Variants in SCHIP1 observed in about 807,000 individuals in gnomAD.
SCHIP1 encodes schwannomin interacting protein 1.
In SCHIP1, 8 loss-of-function variants were observed where a neutral mutation model predicts 29.7. The observed-to-expected ratio is 0.27, with a 90% CI of 0.16 to 0.49. SCHIP1 has a LOEUF of 0.49. Among genes scored for constraint, SCHIP1 ranks in the 20% least tolerant of loss-of-function variants. The pLI, the probability that SCHIP1 is intolerant of heterozygous loss-of-function variation, is 0.99. For synonymous variants in SCHIP1, 76 were observed against 94.9 expected (o/e 0.80, Z 1.16); for missense variants, 193 against 294.6 (o/e 0.66, Z 2.52).
the SCHIP1 span, among the ~76,000 whole-genome samples, chr3:159,334,879 C>G: frequency 1.4e-5 from 2 of 147,954 alleles, no homozygotes; most frequent in Non-Finnish European, 3.0e-5. Context: ...CATAAGTTTT[C>G]TTTTTCTTCT....
chr3:159,392,623 C>T, the SCHIP1 span, among the ~76,000 whole-genome samples: 2 of 151,966 alleles, frequency 1.3e-5, no homozygotes, highest in African/African-American at 4.8e-5. Context: ...TCATCCATGT[C>T]CCTACAAAGG....
At chr3:159,687,405 T>G in the SCHIP1 span, among the ~76,000 whole-genome samples, 1 of 152,228 alleles carries the variant, frequency 6.6e-6, no homozygotes, top group Admixed American at 6.5e-5. Flanking sequence ...CTATGTTTAC[T>G]GAAGAATTCT....
the SCHIP1 span, among the ~76,000 whole-genome samples, chr3:159,668,956 A>T: frequency 6.6e-6 from 1 of 152,088 alleles, no homozygotes; most frequent in Non-Finnish European, 1.5e-5. Flanking sequence ...TGCAATTTCC[A>T]TTTGAAGCAA....
the SCHIP1 span, among the ~76,000 whole-genome samples, chr3:159,348,302 G>C: frequency 3.0e-4 from 46 of 152,208 alleles, no homozygotes; most frequent in East Asian, 8.7e-3. Flanking sequence ...AGAAAGTTAA[G>C]TATCTTTAGA....
the SCHIP1 span, chr3:159,764,380 G>T: frequency 6.6e-7 from 1 of 1,505,178 alleles, no homozygotes; most frequent in Admixed American, 2.2e-5. This position sits in a 1 kb window ranked among gnomAD's most constrained non-coding sequence, Gnocchi z 6.1. Flanking sequence ...GGCATTTGGG[G>T]CGGGTGGCGG....
chr3:159,377,253 G>A, the SCHIP1 span, among the ~76,000 whole-genome samples: 1 of 152,156 alleles, frequency 6.6e-6, no homozygotes, highest in Non-Finnish European at 1.5e-5. Flanking sequence ...AATCAAGACT[G>A]GGTAGACAAC....
At chr3:159,590,124 G>A in the SCHIP1 span, among the ~76,000 whole-genome samples, 4 of 150,940 alleles carry the variant, frequency 2.7e-5, no homozygotes, top group Non-Finnish European at 4.4e-5. Flanking sequence ...TTGGCTCAGG[G>A]TAGAAGAAGA....
the SCHIP1 span, among the ~76,000 whole-genome samples, chr3:159,677,119 C>G: frequency 6.6e-6 from 1 of 152,284 alleles, no homozygotes; most frequent in Admixed American, 6.5e-5. Context: ...GCCAAAAGGT[C>G]TTGCCCACCT....
the SCHIP1 span, among the ~76,000 whole-genome samples, chr3:159,816,031 C>G: frequency 2.0e-4 from 30 of 152,066 alleles, no homozygotes; most frequent in Admixed American, 1.9e-3. Flanking sequence ...TCACTGCAAT[C>G]TCTGCCTCCC....
At chr3:159,404,474 A>C in the SCHIP1 span, among the ~76,000 whole-genome samples, 3 of 152,118 alleles carry the variant, frequency 2.0e-5, no homozygotes, top group Non-Finnish European at 4.4e-5. Context: ...TGGGACCTTG[A>C]ATGAACTTCA....
the SCHIP1 span, among the ~76,000 whole-genome samples, chr3:159,801,524 T>G: frequency 6.6e-6 from 1 of 152,204 alleles, no homozygotes; most frequent in African/African-American, 2.4e-5. Context: ...TGCATGGACA[T>G]TTTGTTATCA....
the SCHIP1 span, among the ~76,000 whole-genome samples, chr3:159,713,158 A>C: frequency 6.6e-6 from 1 of 151,378 alleles, no homozygotes; most frequent in African/African-American, 2.4e-5. Flanking sequence ...TCCATCAAAA[A>C]AAAAAAAGAA....
At chr3:159,620,303 T>C in the SCHIP1 span, among the ~76,000 whole-genome samples, 1 of 152,230 alleles carries the variant, frequency 6.6e-6, no homozygotes, top group African/African-American at 2.4e-5. Context: ...TGCATATTTA[T>C]TAGAGCTTTT....
the SCHIP1 span, among the ~76,000 whole-genome samples, chr3:159,734,135 C>CTTTTTTTTTTTTTTTTTTTTTTTTTT: frequency 5.0e-5 from 5 of 100,938 alleles, no homozygotes; most frequent in Non-Finnish European, 5.6e-5. Flanking sequence ...TTATTGTTTA[C>CTTTTTTTTTTTTTTTTTTTTTTTTTT]TTTTTTTTTT....
intron 2 of SCHIP1, among the ~76,000 whole-genome samples, chr3:159,877,353 A>T (rs1275683504): frequency 5.3e-5 from 8 of 152,206 alleles, no homozygotes; most frequent in African/African-American, 1.9e-4. Flanking sequence ...TCTGTTTCAA[A>T]GAATAAAAAA....
At chr3:159,762,671 A>G in the SCHIP1 span, among the ~76,000 whole-genome samples, 1 of 152,248 alleles carries the variant, frequency 6.6e-6, no homozygotes, top group Non-Finnish European at 1.5e-5. Flanking sequence ...CTTACAGGTC[A>G]GAATGGTTGG....
the SCHIP1 span, among the ~76,000 whole-genome samples, chr3:159,420,370 T>C: frequency 6.6e-6 from 1 of 152,088 alleles, no homozygotes; most frequent in Non-Finnish European, 1.5e-5. Flanking sequence ...GTGGGGAAAA[T>C]ACCTGAAGAG....
chr3:159,373,372 G>A, the SCHIP1 span, among the ~76,000 whole-genome samples: 1 of 151,672 alleles, frequency 6.6e-6, no homozygotes, highest in Non-Finnish European at 1.5e-5. Context: ...ATATAATGTG[G>A]AATAATTAAA....
chr3:159,387,340 G>A, the SCHIP1 span: 1 of 375,422 alleles, frequency 2.7e-6, no homozygotes, highest in Non-Finnish European at 5.2e-6. Flanking sequence ...ATTTTTATGG[G>A]CAGGGAGAAG....
Sources: allele counts gnomAD v4.1 joint callset (sites outside exome capture counted in the v4.1 genomes callset), GRCh38; gene constraint gnomAD v4.1.1; non-coding constraint Gnocchi (gnomAD v3.1); transcripts MANE v1.5; gene names NCBI Gene and HGNC (gene_info 2026-07-23, HGNC 2026-07-21).